The following OPN5 variants were observed in gnomAD, a reference collection of about 807,000 sequenced individuals.
OPN5 encodes opsin 5, also known as opsin-5.
In OPN5, 18 loss-of-function variants were observed where a neutral mutation model predicts 41.7. That is an observed-to-expected ratio of 0.43 (90% CI 0.30 to 0.64). The LOEUF (loss-of-function observed/expected upper bound fraction) is 0.64. OPN5 is among the 30% of genes least tolerant of loss of function. OPN5 has a pLI of 0.13. For missense variants in OPN5, 318 were observed against 434.5 expected, an observed-to-expected ratio of 0.73 and a Z score of 2.38; for synonymous variants, 178 against 164.3, an observed-to-expected ratio of 1.08 and a Z score of -0.64.
intron 5 of OPN5, 140 bp from the exon 6 acceptor site, chr6:47,811,534 T>C: frequency 2.3e-6 from 1 of 432,190 alleles, no homozygotes; most frequent in African/African-American, 2.0e-5. Context: ...TATTATTTTC[T>C]GTCTGTTGCT....
chr6:47,809,253 T>C (rs545193787), intron 5 of OPN5, among the ~76,000 whole-genome samples: 39 of 152,332 alleles, frequency 2.6e-4, no homozygotes, highest in African/African-American at 7.2e-4. Context: ...GTCTCAGTGC[T>C]TTTTGTTCTT....
At chr6:47,795,591 G>A (rs1773528408) in intron 4 of OPN5, 28 bp downstream of exon 4, 1 of 1,499,182 alleles carries the variant, frequency 6.7e-7, no homozygotes. Context: ...TTACACATGT[G>A]TTTTCTGACT....
intron 2 of OPN5, among the ~76,000 whole-genome samples, chr6:47,786,900 C>A (rs977943510): frequency 1.3e-5 from 2 of 152,156 alleles, no homozygotes; most frequent in Non-Finnish European, 2.9e-5. Context: ...TATGTGATAC[C>A]TCAGATGTCT....
chr6:47,816,778 A>G (rs1450200857), intron 6 of OPN5, among the ~76,000 whole-genome samples: 2 of 151,952 alleles, frequency 1.3e-5, no homozygotes, highest in African/African-American at 4.8e-5. Flanking sequence ...TCTCATTAGG[A>G]TTTGTTGTGA....
At chr6:47,791,926 T>C in exon 3 of OPN5, 1 of 1,614,016 alleles carries the variant, frequency 6.2e-7, no homozygotes, top group South Asian at 1.1e-5. Flanking sequence ...TCACCATGAC[T>C]GCTGTCAGCC....
intron 5 of OPN5, among the ~76,000 whole-genome samples, chr6:47,810,593 C>G (rs1024375296): frequency 3.9e-5 from 6 of 152,038 alleles, no homozygotes; most frequent in African/African-American, 1.5e-4. Flanking sequence ...TAAGGGGACA[C>G]CCTCTTGGGA....
chr6:47,806,228 A>C (rs568980046), intron 4 of OPN5, among the ~76,000 whole-genome samples: 3 of 152,264 alleles, frequency 2.0e-5, no homozygotes, highest in Non-Finnish European at 4.4e-5. Flanking sequence ...GACAGATTTG[A>C]ATACAGTTTT....
intron 4 of OPN5, among the ~76,000 whole-genome samples, chr6:47,801,851 T>C (rs140068198): frequency 6.6e-6 from 1 of 151,754 alleles, no homozygotes; most frequent in East Asian, 1.9e-4. Flanking sequence ...CCTAATACAA[T>C]GATTCATACA....
intron 2 of OPN5, among the ~76,000 whole-genome samples, chr6:47,789,700 G>A (rs1234328915): frequency 6.6e-6 from 1 of 152,194 alleles, no homozygotes; most frequent in Non-Finnish European, 1.5e-5. Context: ...AAGGCATTCA[G>A]TGAATATGTG....
At chr6:47,788,805 T>TGGG (rs5876033) in intron 2 of OPN5, among the ~76,000 whole-genome samples, 5,935 of 124,870 alleles carry the variant, frequency 0.048, 356 homozygotes, top group South Asian at 0.092. Context: ...TAGGATAACC[T>TGGG]GGGGGGGGGC....
chr6:47,812,096 C>T (rs995985977), intron 6 of OPN5, among the ~76,000 whole-genome samples: 3 of 151,928 alleles, frequency 2.0e-5, no homozygotes, highest in Non-Finnish European at 2.9e-5. Flanking sequence ...TTCTTAATGT[C>T]GGGTTAGGGA....
At chr6:47,808,130 T>A in intron 4 of OPN5, 24 bp from the exon 5 acceptor site, 1 of 1,613,438 alleles carries the variant, frequency 6.2e-7, no homozygotes, top group Non-Finnish European at 8.5e-7. Context: ...CTTGATTCTT[T>A]TCTCTGTTGC....
At chr6:47,797,523 C>T (rs1581737820) in intron 4 of OPN5, among the ~76,000 whole-genome samples, 1 of 152,080 alleles carries the variant, frequency 6.6e-6, no homozygotes, top group African/African-American at 2.4e-5. Context: ...CTACTTTGTA[C>T]CAGGTACTAT....
At chr6:47,788,493 A>C (rs1212089627) in intron 2 of OPN5, among the ~76,000 whole-genome samples, 1 of 152,232 alleles carries the variant, frequency 6.6e-6, no homozygotes, top group Non-Finnish European at 1.5e-5. Context: ...TACTCTGCTT[A>C]CGTCTTCAGA....
chr6:47,816,244 T>C (rs1030467998), intron 6 of OPN5, among the ~76,000 whole-genome samples: 1 of 152,172 alleles, frequency 6.6e-6, no homozygotes, highest in African/African-American at 2.4e-5. Flanking sequence ...ATTTGAGGGC[T>C]TTGGCAAAGT....
At chr6:47,795,462 T>C in exon 4 of OPN5, 1 of 1,614,044 alleles carries the variant, frequency 6.2e-7, no homozygotes, top group Non-Finnish European at 8.5e-7. Context: ...CGTGTTCTCC[T>C]ACGTAAAGAT....
At chr6:47,791,389 A>G (rs1773366312) in intron 2 of OPN5, among the ~76,000 whole-genome samples, 1 of 152,080 alleles carries the variant, frequency 6.6e-6, no homozygotes, top group South Asian at 2.1e-4. Flanking sequence ...TCTCTCAGAG[A>G]TTTTATTCAT....
chr6:47,794,197 C>CT (rs1348198916), intron 3 of OPN5, among the ~76,000 whole-genome samples: 1 of 152,190 alleles, frequency 6.6e-6, no homozygotes, highest in East Asian at 1.9e-4. Flanking sequence ...AGAATTAGGC[C>CT]TGACCGACTT....
intron 3 of OPN5, among the ~76,000 whole-genome samples, chr6:47,793,432 C>T (rs1245717317): frequency 6.6e-6 from 1 of 152,194 alleles, no homozygotes; most frequent in African/African-American, 2.4e-5. Context: ...ACCCTCCACA[C>T]AGCGTCCCAG....
Sources: gnomAD v4.1 joint callset for allele counts (sites outside exome capture counted in the v4.1 genomes callset) on GRCh38, gnomAD v4.1.1 for gene constraint, MANE v1.5 for transcripts, NCBI Gene and HGNC (gene_info 2026-07-23, HGNC 2026-07-21) for gene names.